The following ZNF469 variants were observed in gnomAD, a reference collection of about 807,000 sequenced individuals.
ZNF469 encodes the protein zinc finger protein 469.
Under a neutral mutation model 1.0 loss-of-function variants are expected in ZNF469, and 1 was observed. The observed-to-expected ratio is 1.00, with a 90% confidence interval of 0.35 to 4.73. ZNF469 has a LOEUF of 4.73. Ranked by LOEUF, ZNF469 falls within the 30% of genes most tolerant of loss-of-function variation. ZNF469 has a pLI of 0.16. For missense variants in ZNF469, 6,100 were observed against 5,356.3 expected (o/e 1.14, Z -4.33); for synonymous variants, 2,703 against 2,363.4 (o/e 1.14, Z -4.17).
chr16:88,249,455 G>C, the ZNF469 span, among the ~76,000 whole-genome samples: 10 of 26,896 alleles, frequency 3.7e-4, no homozygotes, highest in African/African-American at 1.2e-3. Context: ...TTTTTTTTTT[G>C]AGTTGGAATC....
chr16:88,259,054 C>T, the ZNF469 span, among the ~76,000 whole-genome samples: 1 of 152,266 alleles, frequency 6.6e-6, no homozygotes, highest in Middle Eastern at 3.2e-3. The surrounding 1 kb of genome is among the most constrained non-coding windows in gnomAD (Gnocchi z 4.1). Context: ...CCCAGCTTAG[C>T]TCAACCCTTC....
At chr16:88,308,744 C>G in the ZNF469 span, among the ~76,000 whole-genome samples, 11,258 of 152,218 alleles carry the variant, frequency 0.074, 567 homozygotes, top group South Asian at 0.17. Flanking sequence ...TCTCAGGAGA[C>G]CCCCAGAAAG....
At chr16:88,294,071 C>G in the ZNF469 span, among the ~76,000 whole-genome samples, 2 of 152,224 alleles carry the variant, frequency 1.3e-5, no homozygotes, top group African/African-American at 4.8e-5. Context: ...AGAGAGGAGT[C>G]AGTGGCCTTT....
At chr16:88,299,737 C>G in the ZNF469 span, among the ~76,000 whole-genome samples, 2 of 152,210 alleles carry the variant, frequency 1.3e-5, no homozygotes, top group African/African-American at 4.8e-5. Context: ...GGCTCTGCCT[C>G]TGCCACAGGG....
the ZNF469 span, among the ~76,000 whole-genome samples, chr16:88,270,975 C>T: frequency 7.2e-5 from 11 of 152,314 alleles, no homozygotes; most frequent in South Asian, 2.1e-4. Flanking sequence ...TGAGGATTCA[C>T]GGCCGGTCCA....
At chr16:88,191,199 A>G in the ZNF469 span, among the ~76,000 whole-genome samples, 1 of 151,930 alleles carries the variant, frequency 6.6e-6, no homozygotes, top group African/African-American at 2.4e-5. Context: ...CAGGAGTCTC[A>G]GGCTGTGTAG....
At chr16:88,254,434 T>C in the ZNF469 span, among the ~76,000 whole-genome samples, 27 of 152,338 alleles carry the variant, frequency 1.8e-4, no homozygotes, top group African/African-American at 6.0e-4. Context: ...TCAGATAGTA[T>C]AGCTCCTCTA....
chr16:88,384,800 G>A, intron 1 of ZNF469, among the ~76,000 whole-genome samples: 1 of 152,108 alleles, frequency 6.6e-6, no homozygotes, highest in South Asian at 2.1e-4. Context: ...GGGAAATTTT[G>A]GGGTCATGAA....
Position 88,435,070 on chromosome 16 carries a change from T to A in ZNF469, c.7600T>A (p.Ser2534Thr), listed in dbSNP as rs1196497103. ...QPPRKKSHRVSGKERPNHSRG... is the reference protein window; with the variant it reads ...QPPRKKSHRVTGKERPNHSRG... ...GCCCAGGAAGAAAAGCCACAGGGTG[T>A]CTGGGAAGGAGAGACCAAATCACTC... Residue 2534 changes from serine (S) to threonine (T), a missense_variant, in exon 3 of 3, where the codon TCT becomes ACT. Ser to Thr is a moderately conservative substitution (Grantham distance 58, BLOSUM62 1). Coordinates refer to ENST00000565624, the MANE Select transcript of ZNF469 (RefSeq NM_001367624.2). 2 of 1,550,152 alleles carry A rather than the reference T, an allele frequency of 1.3e-6. No individual in the cohort carries two copies. Among genetic ancestry groups the A allele is most frequent in the Non-Finnish European group, 1.7e-6 (2 of 1,146,970 alleles).
the ZNF469 span, among the ~76,000 whole-genome samples, chr16:88,227,306 G>C: frequency 2.6e-5 from 4 of 152,200 alleles, no homozygotes; most frequent in Non-Finnish European, 4.4e-5. Context: ...AGAGGAAGCG[G>C]GGAAGGGGGA....
At chr16:88,135,054 G>A in the ZNF469 span, among the ~76,000 whole-genome samples, 3 of 152,220 alleles carry the variant, frequency 2.0e-5, no homozygotes, top group African/African-American at 2.4e-5. Context: ...CTGCCTCACC[G>A]ATGAAGCCAG....
chr16:88,350,961 TGTG>T, the ZNF469 span, among the ~76,000 whole-genome samples: 1 of 152,228 alleles, frequency 6.6e-6, no homozygotes. Context: ...CTTCCAGAAC[TGTG>T]GAGGAATAAA....
In ZNF469 at chr16:88,432,477, A is replaced by T. The variant is rs761231918; in HGVS notation, c.5007A>T (p.Ala1669=). The T allele has an allele frequency of 6.5e-7, 1 of 1,550,354 alleles. No homozygotes were observed. Among genetic ancestry groups the T allele is most frequent in the South Asian group, 1.2e-5 (1 of 84,066 alleles). ...CAGCCTCCTTCCATCCGGGACATGCAGCCCTTCTCCCCTGTGCCCAGGAAG... is the reference window on the plus strand; with the variant it reads ...CAGCCTCCTTCCATCCGGGACATGCTGCCCTTCTCCCCTGTGCCCAGGAAG... The part of the protein sequence containing the change: ...PCPASFHPGH[A]ALLPCAQEDL... Residue 1669 remains alanine, a synonymous_variant, in exon 3 of 3, where the codon GCA becomes GCT. Transcript: ENST00000565624.
At chr16:88,198,858 C>T in the ZNF469 span, among the ~76,000 whole-genome samples, 26 of 152,324 alleles carry the variant, frequency 1.7e-4, no homozygotes, top group African/African-American at 6.0e-4. Flanking sequence ...ATGCAGCAGA[C>T]GTGAGCCTGT....
At chr16:88,253,312 C>T in the ZNF469 span, among the ~76,000 whole-genome samples, 14 of 152,176 alleles carry the variant, frequency 9.2e-5, no homozygotes, top group Admixed American at 3.9e-4. Flanking sequence ...AACTCCCTGA[C>T]GATCAGTGAG....
chr16:88,294,430 A>G, the ZNF469 span, among the ~76,000 whole-genome samples: 2 of 152,126 alleles, frequency 1.3e-5, no homozygotes, highest in African/African-American at 2.4e-5. Context: ...CTTCCACATC[A>G]TTGTGCAAAC....
the ZNF469 span, among the ~76,000 whole-genome samples, chr16:88,202,286 G>A: frequency 6.6e-6 from 1 of 152,246 alleles, no homozygotes; most frequent in Non-Finnish European, 1.5e-5. Flanking sequence ...ATACAGAAGT[G>A]GCTGAACACA....
chr16:88,286,857 C>A, the ZNF469 span, among the ~76,000 whole-genome samples: 3 of 152,188 alleles, frequency 2.0e-5, no homozygotes, highest in Non-Finnish European at 2.9e-5. Context: ...CACATGAGTC[C>A]CCCTGAGGCC....
At chr16:88,258,072 A>C in the ZNF469 span, among the ~76,000 whole-genome samples, 27 of 152,356 alleles carry the variant, frequency 1.8e-4, no homozygotes, top group Admixed American at 4.6e-4. Context: ...CCCCAACCAG[A>C]GGTGATTGCA....
Sources: gnomAD v4.1 joint callset for allele counts (sites outside exome capture counted in the v4.1 genomes callset) on GRCh38, gnomAD v4.1.1 for gene constraint, Gnocchi (gnomAD v3.1) non-coding constraint, MANE v1.5 for transcripts, NCBI Gene and HGNC (gene_info 2026-07-23, HGNC 2026-07-21) for gene names.